IL1RAPL2: variants seen among roughly 807,000 people sequenced by gnomAD.
IL1RAPL2 encodes X-linked interleukin-1 receptor accessory protein-like 2.
Under a neutral mutation model 44.1 loss-of-function variants are expected in IL1RAPL2, and 3 were observed. That is an observed-to-expected ratio of 0.07 (90% CI 0.03 to 0.18). IL1RAPL2 has a LOEUF of 0.18. Ranked by LOEUF, IL1RAPL2 falls within the 10% of genes least tolerant of loss-of-function variation. The probability of loss-of-function intolerance (pLI) is 1.00; values close to 1 mark genes in which losing one functional copy is unlikely to be tolerated. For synonymous variants in IL1RAPL2, 181 were observed against 178.8 expected (o/e 1.01, Z -0.10); for missense variants, 391 against 496.4 (o/e 0.79, Z 2.02).
At chrX:105,231,863 A>C (rs60731728) in intron 3 of IL1RAPL2, among the ~76,000 whole-genome samples, 18,892 of 111,478 alleles carry the variant, frequency 0.17, 3,197 homozygotes, top group African/African-American at 0.52. Context: ...TGTTTAAAAA[A>C]TGGTGAAAAA....
At chrX:105,260,182 G>C (rs1486415606) in intron 4 of IL1RAPL2, among the ~76,000 whole-genome samples, 1 of 112,462 alleles carries the variant, frequency 8.9e-6, no homozygotes, top group Non-Finnish European at 1.9e-5. Context: ...GCTCTGCTGT[G>C]CTGGGGGTCT....
At chrX:105,400,877 CAG>C (rs2035602150) in intron 5 of IL1RAPL2, among the ~76,000 whole-genome samples, 1 of 111,773 alleles carries the variant, frequency 8.9e-6, no homozygotes, top group African/African-American at 3.2e-5. Context: ...GCTGCTATAA[CAG>C]AATATCTGAG....
chrX:104,976,537 A>T (rs1410164748), intron 2 of IL1RAPL2, among the ~76,000 whole-genome samples: 1 of 111,902 alleles, frequency 8.9e-6, no homozygotes, highest in Non-Finnish European at 1.9e-5. Context: ...TAGGGCAGAA[A>T]ATGAGAAAAG....
At chrX:105,647,037 T>C (rs1332848234) in intron 6 of IL1RAPL2, among the ~76,000 whole-genome samples, 3 of 112,205 alleles carry the variant, frequency 2.7e-5, no homozygotes, top group Non-Finnish European at 5.6e-5. Context: ...GTGTTATAGC[T>C]CTATTAGAAG....
At chrX:105,560,852 A>G (rs921027081) in intron 6 of IL1RAPL2, among the ~76,000 whole-genome samples, 7 of 109,807 alleles carry the variant, frequency 6.4e-5, no homozygotes, top group African/African-American at 2.3e-4. Context: ...TATATTTTAT[A>G]TGTACATTTT....
Position 104,917,104 on chromosome X carries a change from C to A in IL1RAPL2, c.82+258109C>A, listed in dbSNP as rs1245236262. 2.7e-5 allele frequency among the ~76,000 whole-genome samples: 3 copies of A among 111,555 alleles called. No homozygotes were observed. The East Asian group carries it at 8.4e-4, about 31-fold the overall frequency. ...CTCATAAAATGAGTTAGGGAGGATT[C>A]CCTCTTTTTCTATTGATTGGAATAG... On this transcript the variant is annotated intron_variant, in intron 2 of 10. Coordinates refer to ENST00000372582, the MANE Select transcript of IL1RAPL2 (RefSeq NM_017416.2).
At chrX:104,873,418 A>G (rs1323824522) in intron 2 of IL1RAPL2, among the ~76,000 whole-genome samples, 1 of 111,892 alleles carries the variant, frequency 8.9e-6, no homozygotes, top group Non-Finnish European at 1.9e-5. Context: ...TGCTTCATGT[A>G]AGTTATATTA....
At chrX:105,076,093 T>C (rs1251930535) in intron 2 of IL1RAPL2, among the ~76,000 whole-genome samples, 3 of 111,573 alleles carry the variant, frequency 2.7e-5, no homozygotes, top group African/African-American at 9.8e-5. Context: ...AGCTTTTGAA[T>C]GTGTTTGCTC....
intron 7 of IL1RAPL2, among the ~76,000 whole-genome samples, chrX:105,733,839 T>C (rs1046772056): frequency 7.1e-5 from 8 of 112,082 alleles, no homozygotes; most frequent in African/African-American, 2.3e-4. Context: ...GCTTTGTCTC[T>C]TCAAACTGTG....
intron 5 of IL1RAPL2, among the ~76,000 whole-genome samples, chrX:105,314,545 A>AT (rs773570520): frequency 3.6e-5 from 4 of 111,928 alleles, no homozygotes; most frequent in African/African-American, 1.3e-4. Context: ...TTGACTTACT[A>AT]TATCATTCTC....
At chrX:105,014,992 T>G (rs781737303) in intron 2 of IL1RAPL2, among the ~76,000 whole-genome samples, 2 of 112,141 alleles carry the variant, frequency 1.8e-5, no homozygotes, top group South Asian at 7.5e-4. Context: ...TCCTGACTTT[T>G]TAATGATTGC....
chrX:104,849,984 T>C (rs1284316823), intron 2 of IL1RAPL2, among the ~76,000 whole-genome samples: 1 of 111,437 alleles, frequency 9.0e-6, no homozygotes, highest in African/African-American at 3.3e-5. Flanking sequence ...TGTGTATATA[T>C]ACACAAAAGA....
chrX:104,872,546 G>T (rs891635463), intron 2 of IL1RAPL2, among the ~76,000 whole-genome samples: 2 of 111,218 alleles, frequency 1.8e-5, no homozygotes, highest in Non-Finnish European at 3.8e-5. Context: ...CTTGACTTAG[G>T]TTACCTATGT....
At chrX:104,889,529 C>A (rs1050699436) in intron 2 of IL1RAPL2, among the ~76,000 whole-genome samples, 2 of 111,843 alleles carry the variant, frequency 1.8e-5, no homozygotes, top group African/African-American at 6.5e-5. Context: ...TTCCTACTAA[C>A]TGGACAGGCA....
chrX:105,159,886 G>T (rs1187740649), intron 2 of IL1RAPL2, among the ~76,000 whole-genome samples: 1 of 110,400 alleles, frequency 9.1e-6, no homozygotes, highest in Non-Finnish European at 1.9e-5. Context: ...TTTAAAATTC[G>T]TGTAGCCCAG....
At chrX:105,257,486 A>G (rs2034324735) in intron 4 of IL1RAPL2, among the ~76,000 whole-genome samples, 1 of 111,721 alleles carries the variant, frequency 9.0e-6, no homozygotes, top group South Asian at 3.7e-4. Flanking sequence ...GGTCTTGAAT[A>G]TCTTTGTTAA....
chrX:105,687,552 C>A (rs1248688181), intron 6 of IL1RAPL2, among the ~76,000 whole-genome samples: 2 of 111,533 alleles, frequency 1.8e-5, no homozygotes, highest in Non-Finnish European at 3.8e-5. Context: ...TCTGAATAGA[C>A]CAATAATAGG....
intron 6 of IL1RAPL2, among the ~76,000 whole-genome samples, chrX:105,599,855 A>G (rs2037237807): frequency 9.1e-6 from 1 of 109,892 alleles, no homozygotes; most frequent in Admixed American, 9.8e-5. Flanking sequence ...TAGTCTTGGT[A>G]AAAAAAAATC....
At chrX:105,662,419 TG>T (rs2037727236) in intron 6 of IL1RAPL2, among the ~76,000 whole-genome samples, 1 of 111,971 alleles carries the variant, frequency 8.9e-6, no homozygotes, top group Non-Finnish European at 1.9e-5. Context: ...AATCTCTTAT[TG>T]GATGTGTGAC....
Sources: gnomAD v4.1 joint callset for allele counts (sites outside exome capture counted in the v4.1 genomes callset) on GRCh38, gnomAD v4.1.1 for gene constraint, MANE v1.5 for transcripts, NCBI Gene and HGNC (gene_info 2026-07-23, HGNC 2026-07-21) for gene names.